GRM7: variants seen among roughly 807,000 people sequenced by gnomAD.
The protein encoded by GRM7 is metabotropic glutamate receptor 7.
Under a neutral mutation model 84.5 loss-of-function variants are expected in GRM7, and 35 were observed. The observed-to-expected ratio is 0.41, with a 90% confidence interval of 0.32 to 0.55. The LOEUF is 0.55. Among genes scored for constraint, GRM7 ranks in the 20% least tolerant of loss-of-function variants. GRM7 has a pLI of 0.19. For synonymous variants in GRM7, 487 were observed against 455.1 expected, an observed-to-expected ratio of 1.07 and a Z score of -0.89; for missense variants, 1,003 against 1,194.6, an observed-to-expected ratio of 0.84 and a Z score of 2.36.
intron 1 of GRM7, among the ~76,000 whole-genome samples, chr3:7,145,611 G>C (rs771086245): frequency 6.6e-6 from 1 of 152,154 alleles, no homozygotes; most frequent in Non-Finnish European, 1.5e-5. Flanking sequence ...AGATGAGGGA[G>C]ATAATGTGAT....
chr3:7,308,335 A>G (rs1182455329), intron 4 of GRM7, among the ~76,000 whole-genome samples: 1 of 146,374 alleles, frequency 6.8e-6, no homozygotes, highest in Non-Finnish European at 1.5e-5. Flanking sequence ...AACCCCTTCC[A>G]TTCCTTCTAT....
intron 9 of GRM7, among the ~76,000 whole-genome samples, chr3:7,728,825 G>T (rs1406303943): frequency 2.6e-5 from 4 of 152,202 alleles, no homozygotes; most frequent in African/African-American, 9.7e-5. Flanking sequence ...CACACCACAT[G>T]GTGTTGGTGA....
At chr3:7,728,695 A>C (rs1261216641) in intron 9 of GRM7, among the ~76,000 whole-genome samples, 1 of 152,210 alleles carries the variant, frequency 6.6e-6, no homozygotes, top group African/African-American at 2.4e-5. Context: ...GTGCCAGGGC[A>C]TCAATTTCCC....
At chr3:6,932,146 A>G (rs909790158) in intron 1 of GRM7, among the ~76,000 whole-genome samples, 16 of 152,340 alleles carry the variant, frequency 1.1e-4, no homozygotes, top group African/African-American at 3.6e-4. Context: ...ATGTTCTACC[A>G]TTGAAGTTTT....
intron 2 of GRM7, among the ~76,000 whole-genome samples, chr3:7,177,953 C>G (rs950176886): frequency 6.6e-6 from 1 of 152,146 alleles, no homozygotes; most frequent in Non-Finnish European, 1.5e-5. Context: ...GTTCAAAATA[C>G]CCAGTCCTAT....
intron 7 of GRM7, among the ~76,000 whole-genome samples, chr3:7,519,141 C>G (rs1700498244): frequency 6.6e-6 from 1 of 152,162 alleles, no homozygotes; most frequent in African/African-American, 2.4e-5. Flanking sequence ...ATATTTACTG[C>G]TCTTTTTGCT....
chr3:7,378,406 G>A (rs1261468023), intron 4 of GRM7, among the ~76,000 whole-genome samples: 1 of 152,122 alleles, frequency 6.6e-6, no homozygotes, highest in African/African-American at 2.4e-5. Context: ...CTAATATGAA[G>A]TAATATTTTT....
In GRM7 at chr3:6,979,758, A is replaced by G. The variant is rs74663687; in HGVS notation, c.519+117851A>G. 3.6e-3 allele frequency among the ~76,000 whole-genome samples: 550 copies of G among 152,314 alleles called. 4 individuals are homozygous for G. The highest frequency in any genetic ancestry group is 0.013 in the African/African-American group (540 of 41,570). ...TGGAAAAGTAATTGCGGTTTTCACC[A>G]TTACTTTTAATTGCAAATCTGCAAT... is the stretch of plus-strand genomic sequence containing the variant. On this transcript the variant is annotated intron_variant, in intron 1 of 9. Transcript: ENST00000357716.
chr3:7,628,848 G>T (rs143735612), intron 8 of GRM7, among the ~76,000 whole-genome samples: 2 of 152,284 alleles, frequency 1.3e-5, no homozygotes, highest in African/African-American at 4.8e-5. Flanking sequence ...GGAAAATGCA[G>T]AGGTAACACT....
intron 7 of GRM7, among the ~76,000 whole-genome samples, chr3:7,517,677 G>C (rs1211337989): frequency 1.3e-5 from 2 of 152,196 alleles, no homozygotes; most frequent in Non-Finnish European, 2.9e-5. Flanking sequence ...AGAGGCATGA[G>C]CCACCATGCT....
At chr3:7,002,091 T>C (rs929522013) in intron 1 of GRM7, among the ~76,000 whole-genome samples, 1 of 152,204 alleles carries the variant, frequency 6.6e-6, no homozygotes, top group African/African-American at 2.4e-5. Context: ...AAGACTTTCT[T>C]ATATCTCTTG....
intron 2 of GRM7, among the ~76,000 whole-genome samples, chr3:7,294,589 G>T (rs1421544336): frequency 6.6e-6 from 1 of 150,782 alleles, no homozygotes; most frequent in Non-Finnish European, 1.5e-5. Context: ...AAAATGTTTG[G>T]CTAGAATATC....
chr3:7,536,450 G>A (rs1404578866), intron 7 of GRM7, among the ~76,000 whole-genome samples: 6 of 152,276 alleles, frequency 3.9e-5, no homozygotes, highest in Admixed American at 2.0e-4. Context: ...ACATGTGGAA[G>A]CCAGCCAACA....
chr3:7,121,381 C>A (rs545477931), intron 1 of GRM7, among the ~76,000 whole-genome samples: 1 of 143,434 alleles, frequency 7.0e-6, no homozygotes, highest in Non-Finnish European at 1.5e-5. Flanking sequence ...ATCCATCCAT[C>A]CCCTCTATTC....
chr3:7,167,796 C>G (rs142772799), intron 2 of GRM7, among the ~76,000 whole-genome samples: 1 of 151,498 alleles, frequency 6.6e-6, no homozygotes, highest in African/African-American at 2.4e-5. Context: ...AGTGAAACCC[C>G]GTCTCAACTA....
intron 1 of GRM7, among the ~76,000 whole-genome samples, chr3:6,898,767 A>G (rs1385721029): frequency 6.6e-6 from 1 of 151,624 alleles, no homozygotes; most frequent in Non-Finnish European, 1.5e-5. Context: ...TGAGCCCAGG[A>G]GCTATGATTG....
intron 7 of GRM7, among the ~76,000 whole-genome samples, chr3:7,499,879 A>G (rs933485644): frequency 4.0e-5 from 6 of 150,794 alleles, no homozygotes; most frequent in Admixed American, 2.0e-4. Context: ...GATTCACACC[A>G]TTCTCCTGCC....
At chr3:7,154,565 T>C (rs2125073089) in intron 2 of GRM7, among the ~76,000 whole-genome samples, 1 of 152,248 alleles carries the variant, frequency 6.6e-6, no homozygotes, top group Middle Eastern at 3.4e-3. Flanking sequence ...TGCCATAGGA[T>C]GCATGTGCTA....
At chr3:7,260,090 C>A (rs1336041384) in intron 2 of GRM7, among the ~76,000 whole-genome samples, 1 of 151,422 alleles carries the variant, frequency 6.6e-6, no homozygotes, top group African/African-American at 2.4e-5. Flanking sequence ...ACATGTATGT[C>A]TTCTTTTGAA....
Sources: allele counts gnomAD v4.1 joint callset (sites outside exome capture counted in the v4.1 genomes callset), GRCh38; gene constraint gnomAD v4.1.1; transcripts MANE v1.5; gene names NCBI Gene and HGNC (gene_info 2026-07-23, HGNC 2026-07-21).